SLC8A3: variants seen among roughly 807,000 people sequenced by gnomAD.
SLC8A3 encodes the protein solute carrier family 8 member A3, also known as sodium/calcium exchanger 3.
A neutral mutation model predicts 65.4 loss-of-function variants in SLC8A3; 37 were observed. That is an observed-to-expected ratio of 0.57 (90% CI 0.44 to 0.74). SLC8A3 has a LOEUF of 0.74. Ranked by LOEUF, SLC8A3 falls within the 30% of genes least tolerant of loss-of-function variation. SLC8A3 has a pLI of 0.00. For synonymous variants in SLC8A3, 461 were observed against 444.5 expected, an observed-to-expected ratio of 1.04 and a Z score of -0.47; for missense variants, 1,112 against 1,172.1, an observed-to-expected ratio of 0.95 and a Z score of 0.75.
At chr14:70,103,999 A>G (rs1892698057) in intron 2 of SLC8A3, among the ~76,000 whole-genome samples, 1 of 152,116 alleles carries the variant, frequency 6.6e-6, no homozygotes, top group Admixed American at 6.5e-5. Flanking sequence ...CATATCAGTT[A>G]AAAAGACTTC....
intron 2 of SLC8A3, among the ~76,000 whole-genome samples, chr14:70,071,804 A>C (rs1890039159): frequency 6.6e-6 from 1 of 152,216 alleles, no homozygotes; most frequent in Non-Finnish European, 1.5e-5. Context: ...ACTAATATGG[A>C]AGGCTTATTT....
intron 2 of SLC8A3, among the ~76,000 whole-genome samples, chr14:70,110,479 A>C (rs1893213312): frequency 2.0e-5 from 3 of 152,146 alleles, no homozygotes; most frequent in South Asian, 4.2e-4. Flanking sequence ...CACTTAACAC[A>C]ATGATCTCCA....
Position 70,167,700 on chromosome 14 carries a change from AAAG to A in SLC8A3, c.720_722del (p.Phe241del). Reference sequence around the variant, plus strand: ...CCCAGGCCAGAAGGACACACACTGGAAAGAAGAAGAGAGTGAGGAGGCCTTCCC... The same window carrying A: ...CCCAGGCCAGAAGGACACACACTGGAAAGAAGAGAGTGAGGAGGCCTTCCC... On this transcript the variant is annotated inframe_deletion, in exon 2 of 7. Transcript: ENST00000356921. 1.2e-6 allele frequency: 2 copies of A among 1,614,178 alleles called. No individual in the cohort carries two copies. Among genetic ancestry groups the A allele is most frequent in the Non-Finnish European group, 1.7e-6 (2 of 1,180,028 alleles).
chr14:70,121,699 C>G (rs1184013906), intron 2 of SLC8A3, among the ~76,000 whole-genome samples: 1 of 152,142 alleles, frequency 6.6e-6, no homozygotes, highest in Non-Finnish European at 1.5e-5. Flanking sequence ...AACAAAAAGC[C>G]CCTTACTCGG....
At chr14:70,101,980 A>G (rs1892580303) in intron 2 of SLC8A3, among the ~76,000 whole-genome samples, 1 of 152,228 alleles carries the variant, frequency 6.6e-6, no homozygotes, top group South Asian at 2.1e-4. Flanking sequence ...CTTGACGTTT[A>G]GCTTCCTAAA....
intron 2 of SLC8A3, among the ~76,000 whole-genome samples, chr14:70,140,796 A>C (rs762326410): frequency 2.0e-5 from 3 of 152,230 alleles, no homozygotes; most frequent in Admixed American, 6.5e-5. Context: ...GATCTCTCTG[A>C]AGCCACTATC....
At chr14:70,051,151 C>T (rs1476104613) in intron 4 of SLC8A3, 44 bp from the exon 5 acceptor site, 1 of 1,329,764 alleles carries the variant, frequency 7.5e-7, no homozygotes, top group African/African-American at 1.4e-5. Flanking sequence ...TTAGAATGCT[C>T]AGAACCAATG....
chr14:70,166,955 C>G lies in SLC8A3; in HGVS notation c.1468G>C (p.Glu490Gln), dbSNP rs545841431. ...ATCCCCTCCTCTGGCTGCTCCTCCT[C>G]TATGCGGACATTGCTCAACCTTACA... is the stretch of plus-strand genomic sequence containing the variant. Reference protein sequence around the residue: ...FFVRLSNVRIEEEQPEEGMPP... With the variant: ...FFVRLSNVRIQEEQPEEGMPP... The change falls in exon 2 of 7, where the codon GAG becomes CAG. Residue 490 changes from glutamate (E) to glutamine (Q), a missense_variant. Transcript: ENST00000356921. 3.1e-6 allele frequency: 5 copies of G among 1,614,180 alleles called. No individual in the cohort carries two copies. The highest frequency in any genetic ancestry group is 4.2e-6 in the Non-Finnish European group (5 of 1,180,034).
intron 2 of SLC8A3, among the ~76,000 whole-genome samples, chr14:70,061,317 G>C (rs1398359065): frequency 1.3e-5 from 2 of 152,022 alleles, no homozygotes; most frequent in African/African-American, 4.8e-5. Flanking sequence ...CATTCCACTG[G>C]GTGTCACATG....
Position 70,049,017 on chromosome 14 carries a change from G to A in SLC8A3, c.2139C>T (p.Ser713=), listed in dbSNP as rs904956224. 4 of 1,612,450 alleles carry A rather than the reference G, an allele frequency of 2.5e-6. No homozygotes were observed. Among genetic ancestry groups the A allele is most frequent in the East Asian group, 2.2e-5 (1 of 44,858 alleles). Reference sequence around the variant, plus strand: ...AGCAGGAGGGCAGCCTCTCCTCCCCGGATTCATCCTCATCCTCATCCCCTG... The same window carrying A: ...AGCAGGAGGGCAGCCTCTCCTCCCCAGATTCATCCTCATCCTCATCCCCTG... The part of the protein sequence containing the change: ...SAAGDEDEDE[S]GEERLPSCFD... Residue 713 remains serine, a synonymous_variant, in exon 6 of 7, where the codon TCC becomes TCT. Coordinates refer to ENST00000356921, the MANE Select transcript of SLC8A3 (RefSeq NM_182932.3).
chr14:70,106,266 A>G (rs1003507449), intron 2 of SLC8A3, among the ~76,000 whole-genome samples: 1 of 152,170 alleles, frequency 6.6e-6, no homozygotes, highest in Admixed American at 6.5e-5. Flanking sequence ...TGTGCCTCTT[A>G]TCTCACATCT....
At chr14:70,132,360 G>A (rs922353870) in intron 2 of SLC8A3, among the ~76,000 whole-genome samples, 1 of 152,220 alleles carries the variant, frequency 6.6e-6, no homozygotes, top group African/African-American at 2.4e-5. Flanking sequence ...AGTATTTAGT[G>A]AGAGTCCTAA....
At chr14:70,147,090 C>T (rs1273007034) in intron 2 of SLC8A3, among the ~76,000 whole-genome samples, 8 of 152,116 alleles carry the variant, frequency 5.3e-5, no homozygotes, top group Admixed American at 5.2e-4. Context: ...AACATAACTG[C>T]TATGAATAAT....
At chr14:70,136,397 G>A (rs1164913885) in intron 2 of SLC8A3, among the ~76,000 whole-genome samples, 2 of 152,296 alleles carry the variant, frequency 1.3e-5, no homozygotes, top group Non-Finnish European at 2.9e-5. Flanking sequence ...AAACCAACAC[G>A]CAGGGCTTCT....
chr14:70,104,255 AAAT>A (rs1224330763), intron 2 of SLC8A3, among the ~76,000 whole-genome samples: 1 of 152,184 alleles, frequency 6.6e-6, no homozygotes, highest in Non-Finnish European at 1.5e-5. Flanking sequence ...TAGACAATCT[AAAT>A]AATTTTATCA....
chr14:70,186,818 G>A (rs929931526), intron 1 of SLC8A3, among the ~76,000 whole-genome samples: 1 of 152,114 alleles, frequency 6.6e-6, no homozygotes, highest in African/African-American at 2.4e-5. Context: ...AGCCAGTGAC[G>A]CCAGCAAAAA....
chr14:70,171,346 G>A (rs1945400529), intron 1 of SLC8A3, among the ~76,000 whole-genome samples: 1 of 152,214 alleles, frequency 6.6e-6, no homozygotes, highest in African/African-American at 2.4e-5. Flanking sequence ...TATGGACCAG[G>A]AGAATTAAGG....
Position 70,045,898 on chromosome 14 carries a change from T to C in SLC8A3, c.*49A>G. 1.3e-6 allele frequency: 2 copies of C among 1,499,206 alleles called. No individual in the cohort carries two copies. Among genetic ancestry groups the C allele is most frequent in the Non-Finnish European group, 1.8e-6 (2 of 1,119,616 alleles). The allele number at this position is 1,499,206 out of a possible 1,614,324, so 92.9% of individuals were successfully genotyped here. On this transcript the variant is annotated 3_prime_UTR_variant, in exon 7 of 7. Transcript: ENST00000356921. ...GATCACTGGTGGGGAAGTGCCCTTCTCTTAGGAGAAGTCCTAGGCCTGCCC... is the reference window on the plus strand; with the variant it reads ...GATCACTGGTGGGGAAGTGCCCTTCCCTTAGGAGAAGTCCTAGGCCTGCCC...
chr14:70,127,826 G>C (rs966879872), intron 2 of SLC8A3, among the ~76,000 whole-genome samples: 6 of 152,260 alleles, frequency 3.9e-5, no homozygotes, highest in Admixed American at 3.9e-4. Flanking sequence ...AATAGCACAG[G>C]CTTAGCCTTT....
Sources: gnomAD v4.1 joint callset for allele counts (sites outside exome capture counted in the v4.1 genomes callset) on GRCh38, gnomAD v4.1.1 for gene constraint, MANE v1.5 for transcripts, NCBI Gene and HGNC (gene_info 2026-07-23, HGNC 2026-07-21) for gene names.